Variants in RSRC1 observed in about 807,000 individuals in gnomAD.
RSRC1 encodes serine/Arginine-related protein 53.
Under a neutral mutation model 49.1 loss-of-function variants are expected in RSRC1, and 39 were observed. The observed-to-expected ratio is 0.79, with a 90% confidence interval of 0.61 to 1.04. The LOEUF (loss-of-function observed/expected upper bound fraction) is 1.04. Ranked by LOEUF, RSRC1 falls within the 50% of genes least tolerant of loss-of-function variation. RSRC1 has a pLI of 0.00. For synonymous variants in RSRC1, 143 were observed against 130.8 expected, an observed-to-expected ratio of 1.09 and a Z score of -0.63; for missense variants, 388 against 402.4, an observed-to-expected ratio of 0.96 and a Z score of 0.31.
chr3:158,456,495 T>TCTCAAGGA (rs1243141791), intron 6 of RSRC1, among the ~76,000 whole-genome samples: 2 of 152,036 alleles, frequency 1.3e-5, no homozygotes, highest in Non-Finnish European at 2.9e-5. Flanking sequence ...TGCGCCCAGC[T>TCTCAAGGA]CTCAAGGAGA....
At chr3:158,124,372 G>A (rs1174074849) in intron 3 of RSRC1, among the ~76,000 whole-genome samples, 1 of 152,162 alleles carries the variant, frequency 6.6e-6, no homozygotes, top group Non-Finnish European at 1.5e-5. Context: ...GGGACTTATG[G>A]CTTGCAGTTT....
At chr3:158,161,649 G>A (rs891282067) in intron 3 of RSRC1, among the ~76,000 whole-genome samples, 6 of 152,014 alleles carry the variant, frequency 3.9e-5, no homozygotes, top group Admixed American at 6.6e-5. Context: ...GTAATCCCAG[G>A]TACTTGGGAG....
At chr3:158,308,419 A>G (rs556760272) in intron 5 of RSRC1, among the ~76,000 whole-genome samples, 3 of 152,054 alleles carry the variant, frequency 2.0e-5, no homozygotes, top group South Asian at 4.1e-4. Context: ...GCAGGCTGCA[A>G]GGCGTCTCTC....
chr3:158,296,555 G>A (rs1211486771), intron 4 of RSRC1, among the ~76,000 whole-genome samples: 1 of 151,970 alleles, frequency 6.6e-6, no homozygotes, highest in Non-Finnish European at 1.5e-5. Flanking sequence ...ATATTTGAAT[G>A]TTCTTGTGAA....
chr3:158,342,136 G>A (rs1244898354), intron 5 of RSRC1, among the ~76,000 whole-genome samples: 1 of 152,146 alleles, frequency 6.6e-6, no homozygotes, highest in Admixed American at 6.5e-5. Context: ...TGATACTTTG[G>A]ACTGTGGACT....
chr3:158,119,804 A>G lies in RSRC1; in HGVS notation c.-2-2299A>G, dbSNP rs961172158. Among the ~76,000 whole-genome samples, 5 of 149,846 alleles carry G rather than the reference A, an allele frequency of 3.3e-5. No individual in the cohort carries two copies. The South Asian group carries it at 8.4e-4, about 25-fold the overall frequency. On this transcript the variant is annotated intron_variant, in intron 1 of 9. Transcript: ENST00000611884. The stretch of plus-strand genomic sequence containing the variant: ...TATGTTTGTATTTACATATATATAC[A>G]TGTTGTATATATTTATAATTTCATA...
chr3:158,317,982 C>A (rs1387514583), intron 5 of RSRC1, among the ~76,000 whole-genome samples: 1 of 152,140 alleles, frequency 6.6e-6, no homozygotes, highest in Non-Finnish European at 1.5e-5. Flanking sequence ...TGGCCCAACA[C>A]TAACTCATAA....
chr3:158,218,380 T>C (rs1034736870), intron 4 of RSRC1, among the ~76,000 whole-genome samples: 1 of 151,698 alleles, frequency 6.6e-6, no homozygotes, highest in African/African-American at 2.4e-5. Flanking sequence ...AAGAAGTTGC[T>C]GAATTTGAGA....
At chr3:158,542,814 A>G (rs937357066) in intron 8 of RSRC1, among the ~76,000 whole-genome samples, 3 of 152,174 alleles carry the variant, frequency 2.0e-5, no homozygotes, top group African/African-American at 7.2e-5. Context: ...GGTAAATTGT[A>G]TGGTATATGA....
chr3:158,536,307 A>G (rs930330227), intron 7 of RSRC1, among the ~76,000 whole-genome samples: 1 of 151,482 alleles, frequency 6.6e-6, no homozygotes, highest in Non-Finnish European at 1.5e-5. Context: ...AGCCAGATCC[A>G]GAATCTAGAA....
intron 7 of RSRC1, among the ~76,000 whole-genome samples, chr3:158,482,977 A>T (rs1230872725): frequency 1.3e-5 from 2 of 151,960 alleles, no homozygotes; most frequent in Admixed American, 6.6e-5. Context: ...TTTTCTTGTC[A>T]TGAATACAAA....
At chr3:158,251,140 G>A (rs1293721910) in intron 4 of RSRC1, among the ~76,000 whole-genome samples, 1 of 152,078 alleles carries the variant, frequency 6.6e-6, no homozygotes, top group Non-Finnish European at 1.5e-5. Context: ...TAGGTGTGTG[G>A]ATTTGTTTCT....
chr3:158,253,362 C>T (rs1378699694), intron 4 of RSRC1, among the ~76,000 whole-genome samples: 1 of 151,904 alleles, frequency 6.6e-6, no homozygotes, highest in Non-Finnish European at 1.5e-5. Context: ...ATCTAATTTC[C>T]ATGGTTTGTA....
intron 6 of RSRC1, among the ~76,000 whole-genome samples, chr3:158,368,617 T>A (rs1028856385): frequency 6.6e-6 from 1 of 152,212 alleles, no homozygotes; most frequent in Admixed American, 6.6e-5. Flanking sequence ...TTCACTTGGG[T>A]GTCTGTGAAT....
chr3:158,241,660 G>A (rs1357996023), intron 4 of RSRC1, among the ~76,000 whole-genome samples: 2 of 152,000 alleles, frequency 1.3e-5, no homozygotes, highest in Non-Finnish European at 2.9e-5. Context: ...TAAACATGCT[G>A]TATCATTTGC....
chr3:158,411,798 G>GTGTT (rs1270560960), intron 6 of RSRC1, among the ~76,000 whole-genome samples: 6 of 152,140 alleles, frequency 3.9e-5, no homozygotes, highest in Admixed American at 2.0e-4. Flanking sequence ...GGCCATTTTA[G>GTGTT]TGTTTGTTTG....
intron 3 of RSRC1, among the ~76,000 whole-genome samples, chr3:158,143,683 G>A (rs966667864): frequency 6.6e-6 from 1 of 152,062 alleles, no homozygotes; most frequent in African/African-American, 2.4e-5. Flanking sequence ...TGAACTTTGA[G>A]TGGAAATGAA....
intron 5 of RSRC1, among the ~76,000 whole-genome samples, chr3:158,314,543 C>T (rs1046334270): frequency 6.6e-6 from 1 of 151,898 alleles, no homozygotes; most frequent in Non-Finnish European, 1.5e-5. Context: ...GTCAAGTAGT[C>T]CTCTGACTAG....
intron 7 of RSRC1, among the ~76,000 whole-genome samples, chr3:158,517,990 G>C (rs544053919): frequency 6.7e-6 from 1 of 148,586 alleles, no homozygotes; most frequent in African/African-American, 2.5e-5. Context: ...AACTAAATTT[G>C]AGGTCCTAGA....
Sources: allele counts gnomAD v4.1 joint callset (sites outside exome capture counted in the v4.1 genomes callset), GRCh38; gene constraint gnomAD v4.1.1; transcripts MANE v1.5; gene names NCBI Gene and HGNC (gene_info 2026-07-23, HGNC 2026-07-21).